CD44: variants seen among roughly 807,000 people sequenced by gnomAD.
CD44 encodes the protein CD44 molecule (IN blood group).
Under a neutral mutation model 88.8 loss-of-function variants are expected in CD44, and 49 were observed. The observed-to-expected ratio is 0.55, with a 90% CI of 0.44 to 0.70. The LOEUF is 0.70. CD44 is among the 30% of genes least tolerant of loss of function. CD44 has a pLI of 0.00. For synonymous variants in CD44, 325 were observed against 312.3 expected, an observed-to-expected ratio of 1.04 and a Z score of -0.43; for missense variants, 883 against 913.8, an observed-to-expected ratio of 0.97 and a Z score of 0.43.
chr11:35,196,673 A>G, intron 5 of CD44, 73 bp from the exon 6 acceptor site: 1 of 1,468,618 alleles, frequency 6.8e-7, no homozygotes, highest in South Asian at 1.2e-5. Flanking sequence ...AAAGAGTACA[A>G]GCATATTCAA....
chr11:35,195,578 A>T (rs939170986), intron 5 of CD44, among the ~76,000 whole-genome samples: 1 of 152,072 alleles, frequency 6.6e-6, no homozygotes, highest in Non-Finnish European at 1.5e-5. Flanking sequence ...GCTGAAAAAA[A>T]AATCTAACTC....
chr11:35,212,660 G>A (rs1287039852), intron 14 of CD44: 1 of 152,134 alleles, frequency 6.6e-6, no homozygotes, highest in Non-Finnish European at 1.5e-5. Context: ...GCTAACTTCA[G>A]CAATATTGGC....
chr11:35,197,025 G>T, intron 6 of CD44, 151 bp downstream of exon 6: 1 of 705,712 alleles, frequency 1.4e-6, no homozygotes, highest in Admixed American at 2.8e-5. Context: ...TCTGGTATCT[G>T]TTTGTTTGCT....
intron 1 of CD44, among the ~76,000 whole-genome samples, chr11:35,170,099 G>A (rs1055721564): frequency 2.0e-5 from 3 of 152,218 alleles, no homozygotes; most frequent in Non-Finnish European, 4.4e-5. Flanking sequence ...ACCATATCAA[G>A]TGTTTGACAT....
intron 9 of CD44, among the ~76,000 whole-genome samples, chr11:35,204,133 G>A (rs1014052496): frequency 1.9e-4 from 29 of 152,080 alleles, no homozygotes; most frequent in Admixed American, 8.5e-4. Flanking sequence ...TTTTCCTTTC[G>A]TCAAAATGAC....
chr11:35,161,227 T>C (rs1942557693), intron 1 of CD44, among the ~76,000 whole-genome samples: 1 of 152,176 alleles, frequency 6.6e-6, no homozygotes, highest in African/African-American at 2.4e-5. Flanking sequence ...ATGATTTAGG[T>C]ATATTTCTTC....
chr11:35,180,533 G>A, intron 3 of CD44, 126 bp downstream of exon 3: 1 of 1,021,022 alleles, frequency 9.8e-7, no homozygotes, highest in Non-Finnish European at 1.5e-6. Flanking sequence ...TATCTGTACA[G>A]CAGAGCCAAC....
chr11:35,196,656 A>T, intron 5 of CD44, 90 bp from the exon 6 acceptor site: 1 of 1,326,616 alleles, frequency 7.5e-7, no homozygotes, highest in Non-Finnish European at 1.0e-6. Flanking sequence ...GATTCTCTTG[A>T]GTAGTAAAAG....
At chr11:35,199,847 T>G (rs186196104) in intron 7 of CD44, among the ~76,000 whole-genome samples, 4 of 151,540 alleles carry the variant, frequency 2.6e-5, no homozygotes, top group African/African-American at 9.7e-5. Context: ...ACTGAAGAAA[T>G]TAAATTCCCT....
chr11:35,200,753 G>A (rs1042334737), intron 7 of CD44: 17 of 279,834 alleles, frequency 6.1e-5, no homozygotes, highest in South Asian at 4.5e-4. Flanking sequence ...GCAAAATGGC[G>A]CCTTTGGTTA....
In CD44 at chr11:35,208,174, T is replaced by C; in HGVS notation, c.1484T>C (p.Leu495Ser). 6.2e-7 allele frequency: 1 copy of C among 1,613,086 alleles called. No individual in the cohort carries two copies. Among genetic ancestry groups the C allele is most frequent in the Non-Finnish European group, 8.5e-7 (1 of 1,179,072 alleles). ...ANPNTGLVEDLDRTGPLSMTT... is the reference protein window; with the variant it reads ...ANPNTGLVEDSDRTGPLSMTT... ...CCAAACACAGGTTTGGTGGAAGATT[T>C]GGACAGGACAGGACCTCTTTCAATG... Residue 495 changes from leucine (L) to serine (S), a missense_variant, in exon 12 of 18, where the codon TTG (leucine) becomes TCG (serine). By Grantham distance (145) the Leu-to-Ser change is moderately radical (BLOSUM62 -2). Around this residue, in one of 2 missense-constraint regions of CD44, gnomAD observed 631 missense variants for 590.9 expected, o/e 1.07. Coordinates refer to ENST00000428726, the MANE Select transcript of CD44 (RefSeq NM_000610.4).
rs992457938 is a variant in CD44 at position 35,219,015 on chromosome 11, C to T, written c.1874-301C>T. The stretch of plus-strand genomic sequence containing the variant: ...CACATGGCTAGTTAGCAAGGGACAG[C>T]GGTGAGACTTAAATCCAGGGTTGTC... On this transcript the variant is annotated intron_variant, in intron 15 of 17. Coordinates refer to ENST00000428726, the MANE Select transcript of CD44 (RefSeq NM_000610.4). 4.1e-5 allele frequency: 14 copies of T among 342,728 alleles called. 1 individual carries two copies. The highest frequency in any genetic ancestry group is 1.7e-4 in the South Asian group (4 of 23,524). 21.2% of individuals were successfully genotyped at this position (342,728 alleles called of 1,614,324 possible). A position where few individuals can be genotyped will look rare whatever the true frequency, so the allele number is the denominator to read the frequency against.
rs1950082351 is a variant in CD44, at chr11:35,231,976, G to C, written c.*2643G>C. ...AAGCCTGGTAGAATTGGCTTTTCTA[G>C]CAGAACCTTTCCAAAAGTTTTATAT... On this transcript the variant is annotated 3_prime_UTR_variant, in exon 18 of 18. Transcript: ENST00000428726. 1 of 152,140 alleles carries C rather than the reference G, an allele frequency of 6.6e-6. No homozygotes were observed. The highest frequency in any genetic ancestry group is 2.4e-5 in the African/African-American group (1 of 41,424). The allele number at this position is 152,140 out of a possible 1,614,324, so 9.4% of individuals were successfully genotyped here. A position where few individuals can be genotyped will look rare whatever the true frequency, so the allele number is the denominator to read the frequency against.
At chr11:35,154,602 G>T (rs1316589356) in intron 1 of CD44, among the ~76,000 whole-genome samples, 1 of 152,196 alleles carries the variant, frequency 6.6e-6, no homozygotes, top group African/African-American at 2.4e-5. Flanking sequence ...TGAGAATAAA[G>T]TTTATTCTCT....
intron 4 of CD44, among the ~76,000 whole-genome samples, chr11:35,188,363 T>A (rs1176892890): frequency 1.2e-4 from 19 of 152,024 alleles, no homozygotes; most frequent in Admixed American, 1.2e-3. Context: ...TCACCATGTG[T>A]GAGATTTTAG....
In CD44 at chr11:35,190,514, C is replaced by T. The variant is rs552791145; in HGVS notation, c.667+449C>T. On this transcript the variant is annotated intron_variant, in intron 5 of 17. Transcript: ENST00000428726. ...CACCTTTTAAAAAACCCACTTATGC[C>T]TGAGGTTGCAATTTTTTGAATTTTT... The T allele has an allele frequency of 8.3e-5, 14 of 168,718 alleles. No homozygotes were observed. The East Asian group carries it at 2.2e-3, about 27-fold the overall frequency. The allele number at this position is 168,718 out of a possible 1,614,324, so 10.5% of individuals were successfully genotyped here.
At chr11:35,139,668 C>A (rs888521367) in intron 1 of CD44, 5 of 661,904 alleles carry the variant, frequency 7.6e-6, no homozygotes, top group Non-Finnish European at 1.4e-5. Flanking sequence ...AGAAAGTAAC[C>A]GTTCTCCCGG....
chr11:35,171,013 A>T (rs1431257303), intron 1 of CD44, among the ~76,000 whole-genome samples: 2 of 152,228 alleles, frequency 1.3e-5, no homozygotes, highest in African/African-American at 4.8e-5. Context: ...TACCCACCTC[A>T]TAGGAATGTT....
intron 1 of CD44, among the ~76,000 whole-genome samples, chr11:35,161,727 C>G (rs370306696): frequency 6.6e-6 from 1 of 152,186 alleles, no homozygotes; most frequent in South Asian, 2.1e-4. Flanking sequence ...CCTTTGCCTT[C>G]CAAGTTTCCC....
Sources: allele counts gnomAD v4.1 joint callset (sites outside exome capture counted in the v4.1 genomes callset), GRCh38; gene constraint gnomAD v4.1.1; regional missense constraint gnomAD v4.1.1; transcripts MANE v1.5; gene names NCBI Gene and HGNC (gene_info 2026-07-23, HGNC 2026-07-21).